The following MACROD2 variants were observed in gnomAD, a reference collection of about 807,000 sequenced individuals.
The protein encoded by MACROD2 is ADP-ribose glycohydrolase MACROD2.
Under a neutral mutation model 70.4 loss-of-function variants are expected in MACROD2, and 36 were observed. The ratio of observed to expected loss-of-function variants is 0.51; its 90% CI spans 0.39 to 0.68. The LOEUF is 0.68. Among genes scored for constraint, MACROD2 ranks in the 30% least tolerant of loss-of-function variants. The pLI is 0.00. For synonymous variants in MACROD2, 172 were observed against 178.8 expected (o/e 0.96, Z 0.30); for missense variants, 496 against 538.4 (o/e 0.92, Z 0.78).
In MACROD2 at chr20:15,085,166, T is replaced by G. The variant is rs915509613; in HGVS notation, c.419-144774T>G. Among the ~76,000 whole-genome samples the G allele has an allele frequency of 5.9e-5, 9 of 152,294 alleles. No homozygotes were observed. In the East Asian group the frequency reaches 1.7e-3, roughly 29 times the overall value. ...AATTCAGTAGAGGAAAGAATGCTGCTAGAATGACTGGGTATCCTCAAGGAA... is the reference window on the plus strand; with the variant it reads ...AATTCAGTAGAGGAAAGAATGCTGCGAGAATGACTGGGTATCCTCAAGGAA... On this transcript the variant is annotated intron_variant, in intron 5 of 17. Transcript: ENST00000684519.
At chr20:15,819,227 A>AT (rs1555783390) in intron 8 of MACROD2, among the ~76,000 whole-genome samples, 1 of 144,112 alleles carries the variant, frequency 6.9e-6, no homozygotes, top group African/African-American at 2.6e-5. Context: ...AAATATATAT[A>AT]TTTATATATA....
At chr20:14,844,394 A>G (rs1045526159) in intron 5 of MACROD2, among the ~76,000 whole-genome samples, 1 of 151,898 alleles carries the variant, frequency 6.6e-6, no homozygotes, top group African/African-American at 2.4e-5. Context: ...GCAGATGCCT[A>G]TAATCCCAGC....
chr20:15,067,866 G>A (rs1044298205), intron 5 of MACROD2, among the ~76,000 whole-genome samples: 2 of 152,130 alleles, frequency 1.3e-5, no homozygotes, highest in African/African-American at 4.8e-5. Flanking sequence ...TAATGAGAAT[G>A]TGGAGTCTCA....
chr20:14,782,822 T>C (rs2072318837), intron 5 of MACROD2, among the ~76,000 whole-genome samples: 1 of 152,118 alleles, frequency 6.6e-6, no homozygotes, highest in South Asian at 2.1e-4. Context: ...CTATCCCAGG[T>C]GCTGCTTCCC....
chr20:14,545,450 A>G (rs1294727584), intron 4 of MACROD2, among the ~76,000 whole-genome samples: 1 of 152,174 alleles, frequency 6.6e-6, no homozygotes, highest in East Asian at 1.9e-4. Flanking sequence ...TCATGAGCAG[A>G]AGGAACAGCT....
At chr20:14,732,118 C>T (rs2071605872) in intron 5 of MACROD2, among the ~76,000 whole-genome samples, 1 of 152,066 alleles carries the variant, frequency 6.6e-6, no homozygotes, top group African/African-American at 2.4e-5. Context: ...AAAATGACTT[C>T]TCTAATACAA....
At chr20:14,301,013 A>T (rs12106104) in intron 3 of MACROD2, among the ~76,000 whole-genome samples, 2,296 of 152,336 alleles carry the variant, frequency 0.015, 24 homozygotes, top group African/African-American at 0.027. Context: ...AAGAACTGTT[A>T]CAAGACTTTT....
At chr20:14,263,328 C>T (rs978696657) in intron 3 of MACROD2, among the ~76,000 whole-genome samples, 2 of 152,072 alleles carry the variant, frequency 1.3e-5, no homozygotes, top group African/African-American at 4.8e-5. Context: ...TTAACAAGAG[C>T]ATGAAGCCAA....
At chr20:14,871,099 A>G (rs1406730920) in intron 5 of MACROD2, among the ~76,000 whole-genome samples, 1 of 152,156 alleles carries the variant, frequency 6.6e-6, no homozygotes, top group Non-Finnish European at 1.5e-5. Flanking sequence ...ACATATTTCA[A>G]TAGATCAACC....
Position 14,606,678 on chromosome 20 carries a change from T to C in MACROD2, c.302-78165T>C, listed in dbSNP as rs1449750981. On this transcript the variant is annotated intron_variant, in intron 4 of 17. Coordinates refer to ENST00000684519, the MANE Select transcript of MACROD2 (RefSeq NM_001351661.2). ...TTTTCTGTACCAATAATAACTTTAA[T>C]TGTTAGAACCTATCCAGAAACTCCT... 5.3e-5 allele frequency among the ~76,000 whole-genome samples: 8 copies of C among 152,274 alleles called. No individual in the cohort carries two copies. In the East Asian group the frequency reaches 1.5e-3, roughly 29 times the overall value.
chr20:15,169,455 C>T lies in MACROD2; in HGVS notation c.419-60485C>T, dbSNP rs186307215. On this transcript the variant is annotated intron_variant, in intron 5 of 17. Transcript: ENST00000684519. ...TTGCTAGAGTTCATTAACAGAGCCA[C>T]GTTCTTGGCTAAGGGGCCACCGTTT... Among the ~76,000 whole-genome samples the T allele has an allele frequency of 2.9e-3, 444 of 152,250 alleles. 5 individuals are homozygous for T. The highest frequency in any genetic ancestry group is 5.4e-3 in the Non-Finnish European group (367 of 68,020).
chr20:14,614,054 A>G (rs1333827111), intron 4 of MACROD2, among the ~76,000 whole-genome samples: 1 of 152,092 alleles, frequency 6.6e-6, no homozygotes, highest in Non-Finnish European at 1.5e-5. Flanking sequence ...TTTACTCAAC[A>G]CAAATTAGTT....
At chr20:15,836,125 C>T (rs993452409) in intron 8 of MACROD2, among the ~76,000 whole-genome samples, 14 of 152,274 alleles carry the variant, frequency 9.2e-5, no homozygotes, top group African/African-American at 2.6e-4. Context: ...AAGGTTACAA[C>T]TCAGTCTTTT....
Position 14,724,893 on chromosome 20 carries a change from T to C in MACROD2, c.418+39934T>C, listed in dbSNP as rs140399607. 1.9e-3 allele frequency among the ~76,000 whole-genome samples: 284 copies of C among 152,252 alleles called. 1 individual carries two copies. The highest frequency in any genetic ancestry group is 6.5e-3 in the African/African-American group (269 of 41,548). ...GCTTGCTTAGTATTTTTTTACATATTACTTGGGATATTGTGTGGAGAATGG... is the reference window on the plus strand; with the variant it reads ...GCTTGCTTAGTATTTTTTTACATATCACTTGGGATATTGTGTGGAGAATGG... On this transcript the variant is annotated intron_variant, in intron 5 of 17. Transcript: ENST00000684519.
chr20:15,142,809 G>C (rs935545897), intron 5 of MACROD2, among the ~76,000 whole-genome samples: 4 of 152,018 alleles, frequency 2.6e-5, no homozygotes, highest in Non-Finnish European at 5.9e-5. Context: ...ATGGTTTCCA[G>C]CTTCATCCAT....
rs555064013 is a variant in MACROD2 at position 14,674,391 on chromosome 20, A to G, written c.302-10452A>G. On this transcript the variant is annotated intron_variant, in intron 4 of 17. Transcript: ENST00000684519. ...CTTTCAAAATTTTTATCATGATTTT[A>G]TCATGATTAAATGAGATATAGCCAA... 1.1e-4 allele frequency among the ~76,000 whole-genome samples: 16 copies of G among 152,314 alleles called. No homozygotes were observed. In the East Asian group the frequency reaches 3.1e-3, roughly 29 times the overall value.
At chr20:15,777,613 CT>C (rs1226257694) in intron 8 of MACROD2, among the ~76,000 whole-genome samples, 1 of 130,848 alleles carries the variant, frequency 7.6e-6, no homozygotes, top group East Asian at 2.4e-4. Context: ...CTCCCTCCCT[CT>C]CTCCCTCCCT....
At chr20:14,532,611 A>G (rs370544844) in intron 4 of MACROD2, among the ~76,000 whole-genome samples, 3 of 152,232 alleles carry the variant, frequency 2.0e-5, no homozygotes, top group East Asian at 1.9e-4. Flanking sequence ...TAGTCATTCA[A>G]TGTTTGAGCA....
intron 2 of MACROD2, among the ~76,000 whole-genome samples, chr20:14,065,553 AATT>A (rs796484203): frequency 2.6e-5 from 4 of 152,282 alleles, no homozygotes; most frequent in African/African-American, 9.6e-5. Context: ...GATTAGTAAT[AATT>A]CTCCTCCTGC....
Sources: gnomAD v4.1 joint callset for allele counts (sites outside exome capture counted in the v4.1 genomes callset) on GRCh38, gnomAD v4.1.1 for gene constraint, MANE v1.5 for transcripts, NCBI Gene and HGNC (gene_info 2026-07-23, HGNC 2026-07-21) for gene names.